The following XKR4 variants were observed in gnomAD, a reference collection of about 807,000 sequenced individuals.
The protein encoded by XKR4 is XK related 4, also known as XK-related protein 4.
In XKR4, 12 loss-of-function variants were observed where a neutral mutation model predicts 53.9. The ratio of observed to expected loss-of-function variants is 0.22; its 90% CI spans 0.14 to 0.36. The LOEUF is 0.36. Ranked by LOEUF, XKR4 falls within the 10% of genes least tolerant of loss-of-function variation. XKR4 has a pLI of 1.00. For synonymous variants in XKR4, 354 were observed against 362.4 expected, an observed-to-expected ratio of 0.98 and a Z score of 0.26; for missense variants, 799 against 859.5, an observed-to-expected ratio of 0.93 and a Z score of 0.88.
At chr8:55,307,745 G>A (rs1441708983) in intron 1 of XKR4, among the ~76,000 whole-genome samples, 2 of 152,132 alleles carry the variant, frequency 1.3e-5, no homozygotes, top group African/African-American at 4.8e-5. Flanking sequence ...TAAAACCAAA[G>A]TGAGATATCA....
chr8:55,166,887 T>C (rs147525855), intron 1 of XKR4, among the ~76,000 whole-genome samples: 6 of 152,314 alleles, frequency 3.9e-5, no homozygotes, highest in Admixed American at 1.3e-4. Context: ...TATGAAGCCA[T>C]TGGAGACTTT....
chr8:55,358,030 T>C (rs776814850), intron 2 of XKR4, among the ~76,000 whole-genome samples, 153 bp downstream of exon 2: 1 of 152,354 alleles, frequency 6.6e-6, no homozygotes, highest in Non-Finnish European at 1.5e-5. Flanking sequence ...CATGATGTTT[T>C]CCTACCATTG....
chr8:55,211,642 C>T (rs1181294380), intron 1 of XKR4, among the ~76,000 whole-genome samples: 1 of 152,176 alleles, frequency 6.6e-6, no homozygotes, highest in Non-Finnish European at 1.5e-5. Context: ...AGAATTTGTG[C>T]TTCCTTTTTC....
intron 1 of XKR4, among the ~76,000 whole-genome samples, chr8:55,183,734 G>A (rs917584256): frequency 6.6e-6 from 1 of 152,150 alleles, no homozygotes; most frequent in Non-Finnish European, 1.5e-5. Context: ...GAGCCATAAA[G>A]GTCAGTTAGA....
chr8:55,493,217 T>G (rs146213593), intron 2 of XKR4, among the ~76,000 whole-genome samples: 141 of 152,312 alleles, frequency 9.3e-4, no homozygotes, highest in African/African-American at 3.3e-3. Flanking sequence ...AGTTGGTGGT[T>G]TCCAAAGATG....
rs56075459 is a variant in XKR4 at position 55,127,676 on chromosome 8, C to T, written c.806+24382C>T. On this transcript the variant is annotated intron_variant, in intron 1 of 2. Coordinates refer to ENST00000327381, the MANE Select transcript of XKR4 (RefSeq NM_052898.2). The stretch of plus-strand genomic sequence containing the variant: ...AAACATGTGCCATGTTGGTGTGCTG[C>T]ACCCATGAACTCGTCATTTAGCTTA... Among the ~76,000 whole-genome samples, 912 of 141,194 alleles carry T rather than the reference C, an allele frequency of 6.5e-3. 3 individuals are homozygous for T. Among genetic ancestry groups the T allele is most frequent in the Admixed American group, 0.011 (142 of 13,148 alleles). 92.6% of individuals were successfully genotyped at this position (141,194 alleles called of 152,430 possible).
At chr8:55,462,503 C>T (rs1407097682) in intron 2 of XKR4, among the ~76,000 whole-genome samples, 2 of 152,150 alleles carry the variant, frequency 1.3e-5, no homozygotes, top group African/African-American at 4.8e-5. Context: ...ACAACCGGTA[C>T]CAGCCACTGC....
chr8:55,479,639 C>T lies in XKR4; in HGVS notation c.1007-43642C>T, dbSNP rs372827413. Among the ~76,000 whole-genome samples the T allele has an allele frequency of 6.6e-5, 10 of 151,722 alleles. 1 individual carries two copies. Among genetic ancestry groups the T allele is most frequent in the South Asian group, 2.1e-4 (1 of 4,804 alleles). On this transcript the variant is annotated intron_variant, in intron 2 of 2. Coordinates refer to ENST00000327381, the MANE Select transcript of XKR4 (RefSeq NM_052898.2). The stretch of plus-strand genomic sequence containing the variant: ...TGTTTTTTGAAAAGATCAACAAAAT[C>T]GATAGACCACTAGCAAGACTAATAA...
At chr8:55,299,445 C>G (rs1029497034) in intron 1 of XKR4, among the ~76,000 whole-genome samples, 13 of 152,074 alleles carry the variant, frequency 8.5e-5, no homozygotes, top group African/African-American at 3.1e-4. Context: ...GGGTTTAGAC[C>G]GTGAACTTGA....
chr8:55,450,406 A>G, intron 2 of XKR4: 1 of 584,198 alleles, frequency 1.7e-6, no homozygotes, highest in East Asian at 3.4e-5. Context: ...GTAGTTGTGG[A>G]ACATGGCTGT....
intron 2 of XKR4, among the ~76,000 whole-genome samples, chr8:55,410,696 T>A (rs1804764044): frequency 6.6e-6 from 1 of 151,594 alleles, no homozygotes; most frequent in South Asian, 2.1e-4. Context: ...CCTGCCCCAA[T>A]CTCTCTTACC....
intron 1 of XKR4, among the ~76,000 whole-genome samples, chr8:55,300,665 T>G (rs1819179531): frequency 6.6e-6 from 1 of 151,930 alleles, no homozygotes; most frequent in South Asian, 2.1e-4. Flanking sequence ...CATGCGGAAA[T>G]AGCCCTAAAG....
At chr8:55,339,779 T>G (rs560270964) in intron 1 of XKR4, among the ~76,000 whole-genome samples, 1 of 152,222 alleles carries the variant, frequency 6.6e-6, no homozygotes, top group African/African-American at 2.4e-5. Flanking sequence ...ATTTAATATG[T>G]CATCATGAAT....
At chr8:55,142,868 A>G (rs566855795) in intron 1 of XKR4, among the ~76,000 whole-genome samples, 9 of 152,330 alleles carry the variant, frequency 5.9e-5, no homozygotes, top group African/African-American at 1.7e-4. Flanking sequence ...GAACCCTCTC[A>G]TATCACCAGC....
At chr8:55,473,858 C>T (rs1193498348) in intron 2 of XKR4, among the ~76,000 whole-genome samples, 2 of 151,320 alleles carry the variant, frequency 1.3e-5, no homozygotes, top group East Asian at 1.9e-4. Flanking sequence ...TCCTTCCTGT[C>T]TCTCTCCCCA....
chr8:55,114,800 A>G (rs1379801775), intron 1 of XKR4, among the ~76,000 whole-genome samples: 1 of 152,218 alleles, frequency 6.6e-6, no homozygotes, highest in Non-Finnish European at 1.5e-5. Context: ...CTGCCTGGTC[A>G]CTAAGATCAG....
intron 1 of XKR4, among the ~76,000 whole-genome samples, chr8:55,260,128 A>T (rs1818502143): frequency 6.6e-6 from 1 of 152,190 alleles, no homozygotes; most frequent in South Asian, 2.1e-4. Context: ...AAGCAGTACC[A>T]GGCACAGTGG....
At chr8:55,453,655 A>G (rs770136390) in intron 2 of XKR4, 7 of 421,830 alleles carry the variant, frequency 1.7e-5, no homozygotes, top group Non-Finnish European at 2.7e-5. Context: ...TGGCGCCCTC[A>G]TCCAGCCAGG....
In XKR4 at chr8:55,478,885, C is replaced by T. The variant is rs532093439; in HGVS notation, c.1007-44396C>T. On this transcript the variant is annotated intron_variant, in intron 2 of 2. Coordinates refer to ENST00000327381, the MANE Select transcript of XKR4 (RefSeq NM_052898.2). ...TATATATGCACCCAATACAGGAGCA[C>T]CCAGATTCATAAAGCAAGTCCTTAG... Among the ~76,000 whole-genome samples the T allele has an allele frequency of 2.2e-3, 334 of 152,158 alleles. 4 individuals carry two copies. In the Middle Eastern group the frequency reaches 0.027, roughly 12 times the overall value.
Sources: gnomAD v4.1 joint callset for allele counts (sites outside exome capture counted in the v4.1 genomes callset) on GRCh38, gnomAD v4.1.1 for gene constraint, MANE v1.5 for transcripts, NCBI Gene and HGNC (gene_info 2026-07-23, HGNC 2026-07-21) for gene names.